Variants in BICD1 observed in about 807,000 individuals in gnomAD.
The protein encoded by BICD1 is protein bicaudal D homolog 1.
A neutral mutation model predicts 92.5 loss-of-function variants in BICD1; 35 were observed. That is an observed-to-expected ratio of 0.38 (90% CI 0.29 to 0.50). BICD1 has a LOEUF of 0.50. BICD1 is among the 20% of genes least tolerant of loss of function. The pLI, the probability that BICD1 is intolerant of heterozygous loss-of-function variation, is 0.93. For missense variants in BICD1, 950 were observed against 1,189.8 expected (o/e 0.80, Z 2.97); for synonymous variants, 429 against 465.1 (o/e 0.92, Z 1.00).
intron 1 of BICD1, among the ~76,000 whole-genome samples, chr12:32,127,924 G>T (rs644192): frequency 3.0e-5 from 3 of 100,974 alleles, no homozygotes; most frequent in Non-Finnish European, 4.2e-5. Flanking sequence ...TTTTTTTTGA[G>T]ACAGACTCTT....
intron 2 of BICD1, among the ~76,000 whole-genome samples, chr12:32,220,822 T>C (rs555566636): frequency 3.3e-4 from 39 of 119,080 alleles, no homozygotes; most frequent in Non-Finnish European, 5.0e-4. Context: ...TTACTCACAA[T>C]AGCAAAGACT....
chr12:32,341,343 T>C (rs965118503), intron 8 of BICD1, among the ~76,000 whole-genome samples: 1 of 151,580 alleles, frequency 6.6e-6, no homozygotes, highest in African/African-American at 2.4e-5. Flanking sequence ...AGTGGGCACC[T>C]GTAGTCCCAG....
intron 2 of BICD1, among the ~76,000 whole-genome samples, chr12:32,228,872 T>C (rs1257830000): frequency 6.6e-6 from 1 of 152,152 alleles, no homozygotes; most frequent in Non-Finnish European, 1.5e-5. Flanking sequence ...AAATTTCTAT[T>C]AGAGGTCCAC....
At chr12:32,154,946 C>T (rs1943395783) in intron 1 of BICD1, among the ~76,000 whole-genome samples, 1 of 152,108 alleles carries the variant, frequency 6.6e-6, no homozygotes, top group Admixed American at 6.5e-5. Flanking sequence ...CTGATTCAAA[C>T]ATTTTACCCC....
At chr12:32,373,965 G>A (rs1939834297) in intron 9 of BICD1, among the ~76,000 whole-genome samples, 1 of 151,694 alleles carries the variant, frequency 6.6e-6, no homozygotes, top group Non-Finnish European at 1.5e-5. Context: ...TGTAATCCTT[G>A]CGCTTTGGGA....
Position 32,221,606 on chromosome 12 carries a change from G to A in BICD1, c.426+5147G>A, listed in dbSNP as rs186024527. Among the ~76,000 whole-genome samples the A allele has an allele frequency of 4.6e-3, 691 of 151,842 alleles. 5 individuals are homozygous for A. The highest frequency in any genetic ancestry group is 0.013 in the African/African-American group (533 of 41,464). ...TTGAGGCAGAGAATTGCTTGAACCC[G>A]GGAGGCAGAGGTTGCAGTGAGCCAA... On this transcript the variant is annotated intron_variant, in intron 2 of 9. Transcript: ENST00000652176.
At chr12:32,159,222 C>T (rs1052222211) in intron 1 of BICD1, among the ~76,000 whole-genome samples, 3 of 152,108 alleles carry the variant, frequency 2.0e-5, no homozygotes, top group South Asian at 2.1e-4. Flanking sequence ...CGTGAGCCAC[C>T]GCACCTGGCT....
chr12:32,340,855 CTGCTGGGAATACCCTCA>C (rs1253073871), intron 8 of BICD1: 1 of 152,298 alleles, frequency 6.6e-6, no homozygotes, highest in Non-Finnish European at 1.5e-5. Context: ...TTATAGAGCA[CTGCTGGGAATACCCTCA>C]TGCATTCAGC....
chr12:32,108,532 ACT>A (rs1279702934), intron 1 of BICD1: 6 of 559,626 alleles, frequency 1.1e-5, no homozygotes, highest in Non-Finnish European at 1.9e-5. Flanking sequence ...TGTAATATAC[ACT>A]CCTTTTCTGT....
chr12:32,195,920 A>T (rs1313832079), intron 1 of BICD1, among the ~76,000 whole-genome samples: 2 of 152,270 alleles, frequency 1.3e-5, no homozygotes. Flanking sequence ...AGGAATTCAC[A>T]TAAAGGATTT....
intron 1 of BICD1, among the ~76,000 whole-genome samples, chr12:32,112,538 T>A (rs1375200869): frequency 1.3e-5 from 2 of 152,194 alleles, no homozygotes; most frequent in Non-Finnish European, 2.9e-5. Context: ...AATACGGTAA[T>A]TAATTACTTG....
intron 1 of BICD1, among the ~76,000 whole-genome samples, chr12:32,116,464 CTCTCTCTCTCTCTCTCTCTCTCTCTCTT>C (rs1460914014): frequency 0.028 from 1,822 of 64,864 alleles, 40 homozygotes; most frequent in South Asian, 0.15. Flanking sequence ...GTCTGTCTGT[CTCTCTCTCTCTCTCTCTCTCTCTCTCTT>C]TCTCTCTCTC....
Position 32,185,496 on chromosome 12 carries a change from C to T in BICD1, c.214-30751C>T, listed in dbSNP as rs114153436. On this transcript the variant is annotated intron_variant, in intron 1 of 9. Transcript: ENST00000652176. ...CATTCTGAGATATGGGCTGAAGGAA[C>T]ATCCTCTCCCTGAGGCTTTGCTAGT... is the stretch of plus-strand genomic sequence containing the variant. 4.5e-3 allele frequency among the ~76,000 whole-genome samples: 678 copies of T among 152,312 alleles called. 4 individuals are homozygous for T. Among genetic ancestry groups the T allele is most frequent in the African/African-American group, 0.015 (642 of 41,566 alleles).
At chr12:32,310,479 C>A (rs1205388313) in intron 4 of BICD1, among the ~76,000 whole-genome samples, 1 of 152,152 alleles carries the variant, frequency 6.6e-6, no homozygotes, top group Non-Finnish European at 1.5e-5. Flanking sequence ...TCCCGCAGCT[C>A]AATCAGACTT....
chr12:32,314,427 AC>A (rs1273184602), intron 4 of BICD1, among the ~76,000 whole-genome samples: 1 of 152,168 alleles, frequency 6.6e-6, no homozygotes, highest in Non-Finnish European at 1.5e-5. Flanking sequence ...CCACATTCTC[AC>A]TAACACTTGT....
intron 1 of BICD1, among the ~76,000 whole-genome samples, chr12:32,204,899 A>C (rs568527581): frequency 6.6e-6 from 1 of 152,188 alleles, no homozygotes; most frequent in East Asian, 1.9e-4. Flanking sequence ...TACCCCACGC[A>C]TCATCCCTTT....
chr12:32,348,772 A>ATATATATATATATG (rs1565689041), intron 8 of BICD1, among the ~76,000 whole-genome samples: 2 of 52,730 alleles, frequency 3.8e-5, no homozygotes, highest in African/African-American at 1.8e-4. Context: ...ATATATATAT[A>ATATATATATATATG]TATATATCAG....
chr12:32,321,994 G>A (rs906965456), intron 4 of BICD1, among the ~76,000 whole-genome samples: 7 of 151,992 alleles, frequency 4.6e-5, no homozygotes, highest in Admixed American at 6.6e-5. Flanking sequence ...GTGAGACTCC[G>A]TCTCAAAAAA....
chr12:32,372,384 G>T (rs1428722721), intron 9 of BICD1, among the ~76,000 whole-genome samples: 1 of 152,152 alleles, frequency 6.6e-6, no homozygotes, highest in Non-Finnish European at 1.5e-5. Flanking sequence ...GGAGGCTGAG[G>T]CAGGAGAATC....
Sources: gnomAD v4.1 joint callset for allele counts (sites outside exome capture counted in the v4.1 genomes callset) on GRCh38, gnomAD v4.1.1 for gene constraint, MANE v1.5 for transcripts, NCBI Gene and HGNC (gene_info 2026-07-23, HGNC 2026-07-21) for gene names.